Variants in EIF4G3 observed in about 807,000 individuals in gnomAD.
EIF4G3 encodes eIF-4-gamma 3.
Under a neutral mutation model 186.4 loss-of-function variants are expected in EIF4G3, and 34 were observed. The observed-to-expected ratio is 0.18, with a 90% CI of 0.14 to 0.24. The LOEUF (loss-of-function observed/expected upper bound fraction) is 0.24, where lower values mean the gene tolerates loss of function less well. Ranked by LOEUF, EIF4G3 falls within the 10% of genes least tolerant of loss-of-function variation. EIF4G3 has a pLI of 1.00. For synonymous variants in EIF4G3, 673 were observed against 679.5 expected, an observed-to-expected ratio of 0.99 and a Z score of 0.15; for missense variants, 1,536 against 1,948.5, an observed-to-expected ratio of 0.79 and a Z score of 3.99.
chr1:21,086,401 C>G (rs1304234497), intron 3 of EIF4G3, among the ~76,000 whole-genome samples: 1 of 151,894 alleles, frequency 6.6e-6, no homozygotes, highest in African/African-American at 2.4e-5. Context: ...TAAAACCCCC[C>G]CAACCAACCT....
Position 20,870,492 on chromosome 1 carries a change from C to A in EIF4G3, c.2623-5230G>T, listed in dbSNP as rs553660819. Among the ~76,000 whole-genome samples the A allele has an allele frequency of 8.0e-4, 122 of 152,244 alleles. 1 individual carries two copies. In the South Asian group the frequency reaches 0.012, roughly 15 times the overall value. The stretch of plus-strand genomic sequence containing the variant: ...ATTCAGGCATTTACCTACTCACTCA[C>A]AACTATTACCTGCCAAGAATCATTC... On this transcript the variant is annotated intron_variant, in intron 20 of 36. Coordinates refer to ENST00000602326, the MANE Select transcript of EIF4G3 (RefSeq NM_001391906.1).
At chr1:20,857,304 C>T in intron 25 of EIF4G3, 99 bp downstream of exon 25, 1 of 979,940 alleles carries the variant, frequency 1.0e-6, no homozygotes, top group Non-Finnish European at 1.6e-6. Flanking sequence ...ACTTTTGAGA[C>T]ACGTTTTGCA....
intron 18 of EIF4G3, among the ~76,000 whole-genome samples, chr1:20,890,302 A>G (rs2085589090): frequency 6.6e-6 from 1 of 151,912 alleles, no homozygotes; most frequent in Non-Finnish European, 1.5e-5. Context: ...TTAAGATAAT[A>G]ATGGGGCATA....
At chr1:21,089,098 C>T (rs1420430053) in intron 3 of EIF4G3, 40 bp downstream of exon 3, 3 of 707,652 alleles carry the variant, frequency 4.2e-6, no homozygotes, top group Middle Eastern at 2.3e-4. Flanking sequence ...GATTCACACA[C>T]AAAAGCACAC....
intron 4 of EIF4G3, among the ~76,000 whole-genome samples, chr1:21,005,290 C>G (rs1460656712): frequency 6.6e-6 from 1 of 152,026 alleles, no homozygotes; most frequent in Non-Finnish European, 1.5e-5. Context: ...TTAAAAAAAT[C>G]AAGTATTCAT....
chr1:20,981,185 G>C lies in EIF4G3; in HGVS notation c.241C>G (p.Pro81Ala). ...PQIQPPRATI[P>A]NSSPSIRPGA... is the part of the protein sequence containing the mutation. ...GGACGAATGGAAGGACTGCTGTTCG[G>C]GATGGTAGCTCTAGGAGGCTGTATT... The change falls in exon 9 of 37, where the codon CCG becomes GCG. Residue 81 changes from proline to alanine, a missense_variant. Pro to Ala is a conservative substitution (Grantham distance 27, BLOSUM62 -1). Transcript: ENST00000602326. The C allele has an allele frequency of 1.9e-6, 3 of 1,613,680 alleles. No individual in the cohort carries two copies. Among genetic ancestry groups the C allele is most frequent in the Non-Finnish European group, 2.5e-6 (3 of 1,179,818 alleles).
intron 2 of EIF4G3, chr1:21,111,552 A>T (rs928269664): frequency 3.2e-6 from 1 of 314,980 alleles, no homozygotes; most frequent in Non-Finnish European, 6.4e-6. Flanking sequence ...TAAGAGCACC[A>T]ACGGATCTCC....
chr1:21,173,358 G>A (rs12737914), intron 2 of EIF4G3, among the ~76,000 whole-genome samples: 4,799 of 151,258 alleles, frequency 0.032, 102 homozygotes, highest in Non-Finnish European at 0.045. Flanking sequence ...CACCACGCCC[G>A]GCTAATTTTT....
At chr1:20,930,173 T>A (rs1214439773) in intron 14 of EIF4G3, among the ~76,000 whole-genome samples, 1 of 152,212 alleles carries the variant, frequency 6.6e-6, no homozygotes, top group East Asian at 1.9e-4. Context: ...TGGTGGAGGT[T>A]CTTACCTTGA....
chr1:21,059,683 A>G (rs11803243), intron 3 of EIF4G3, among the ~76,000 whole-genome samples: 14,524 of 152,242 alleles, frequency 0.095, 932 homozygotes, highest in East Asian at 0.26. Context: ...AAATAATTTT[A>G]TATGATTCAA....
At chr1:20,943,963 CTTTATTTTT>C (rs1306400800) in intron 13 of EIF4G3, among the ~76,000 whole-genome samples, 1 of 22,560 alleles carries the variant, frequency 4.4e-5, no homozygotes, top group Non-Finnish European at 9.8e-5. Flanking sequence ...GAAAACTTGT[CTTTATTTTT>C]TTTGTGTGTG....
chr1:20,860,695 T>C (rs985606641), intron 23 of EIF4G3, among the ~76,000 whole-genome samples, 178 bp from the exon 24 acceptor site: 2 of 152,202 alleles, frequency 1.3e-5, no homozygotes, highest in African/African-American at 4.8e-5. Flanking sequence ...GCTGAAGGAT[T>C]AAAATCTTCT....
intron 12 of EIF4G3, among the ~76,000 whole-genome samples, chr1:20,961,144 G>T (rs1351503442): frequency 6.6e-6 from 1 of 152,100 alleles, no homozygotes; most frequent in Non-Finnish European, 1.5e-5. Context: ...CAGCACTTTG[G>T]GAGGCCGAGG....
intron 2 of EIF4G3, among the ~76,000 whole-genome samples, chr1:21,104,589 C>T (rs2096582093): frequency 6.6e-6 from 1 of 152,100 alleles, no homozygotes; most frequent in African/African-American, 2.4e-5. Context: ...GACTATGTTG[C>T]GGAGCAAAGG....
intron 12 of EIF4G3, among the ~76,000 whole-genome samples, chr1:20,955,824 G>A (rs551590065): frequency 6.6e-6 from 1 of 152,032 alleles, no homozygotes; most frequent in Non-Finnish European, 1.5e-5. Flanking sequence ...TCTGAGAAAG[G>A]GAACACTGGA....
intron 19 of EIF4G3, among the ~76,000 whole-genome samples, chr1:20,882,197 ACACACACACACACACAC>A (rs2082569056): frequency 6.6e-6 from 1 of 151,744 alleles, no homozygotes; most frequent in Non-Finnish European, 1.5e-5. Flanking sequence ...ACACACACAC[ACACACACACACACACAC>A]AAAATCATTT....
At chr1:20,895,533 G>A (rs1228405128) in intron 16 of EIF4G3, 32 bp from the exon 17 acceptor site, 1 of 1,609,626 alleles carries the variant, frequency 6.2e-7, no homozygotes, top group South Asian at 1.1e-5. Flanking sequence ...GACACTGTTT[G>A]TAGGGCATTA....
At chr1:21,111,454 A>G (rs2096724540) in intron 2 of EIF4G3, 1 of 454,276 alleles carries the variant, frequency 2.2e-6, no homozygotes. Flanking sequence ...ATTATTATAC[A>G]TAGCTCTTCC....
At chr1:20,930,230 A>C (rs1238104648) in intron 14 of EIF4G3, among the ~76,000 whole-genome samples, 2 of 152,170 alleles carry the variant, frequency 1.3e-5, no homozygotes, top group Non-Finnish European at 2.9e-5. Context: ...CTGAGGCATG[A>C]GAGTGGCTGT....
Sources: gnomAD v4.1 joint callset for allele counts (sites outside exome capture counted in the v4.1 genomes callset) on GRCh38, gnomAD v4.1.1 for gene constraint, MANE v1.5 for transcripts, NCBI Gene and HGNC (gene_info 2026-07-23, HGNC 2026-07-21) for gene names.